ZNF391: variants seen among roughly 807,000 people sequenced by gnomAD.
The protein encoded by ZNF391 is zinc finger protein 391.
For synonymous variants in ZNF391, 126 were observed against 142.1 expected (o/e 0.89, Z 0.80); for missense variants, 375 against 425.5 (o/e 0.88, Z 1.04).
intron 1 of ZNF391, among the ~76,000 whole-genome samples, chr6:27,378,249 G>A (rs1039358434): frequency 1.3e-5 from 2 of 152,102 alleles, no homozygotes; most frequent in Non-Finnish European, 2.9e-5. Context: ...CCCCTTTTTA[G>A]TCAATTTCAC....
upstream of ZNF391, among the ~76,000 whole-genome samples, chr6:27,384,563 AT>A (rs1207107623): frequency 6.6e-6 from 1 of 152,046 alleles, no homozygotes; most frequent in East Asian, 1.9e-4. Context: ...ACTACAGCCA[AT>A]TTTTAATTGA....
intron 1 of ZNF391, among the ~76,000 whole-genome samples, chr6:27,396,104 A>G (rs1432386078): frequency 1.3e-5 from 2 of 152,204 alleles, no homozygotes; most frequent in African/African-American, 4.8e-5. Context: ...GTATTTCTCT[A>G]CCCTTCAGAC....
chr6:27,400,176 C>T, intron 2 of ZNF391, 117 bp from the exon 3 acceptor site: 7 of 487,486 alleles, frequency 1.4e-5, no homozygotes, highest in Middle Eastern at 5.5e-4. Flanking sequence ...TTGTTTACTC[C>T]TCATATAAAG....
At chr6:27,390,103 G>A (rs1468742356) in intron 1 of ZNF391, among the ~76,000 whole-genome samples, 1 of 152,202 alleles carries the variant, frequency 6.6e-6, no homozygotes, top group Non-Finnish European at 1.5e-5. Flanking sequence ...AAGGCTCCAG[G>A]AAGCAATCAA....
chr6:27,382,311 G>A (rs1761522863), intron 1 of ZNF391, among the ~76,000 whole-genome samples: 1 of 152,252 alleles, frequency 6.6e-6, no homozygotes, highest in East Asian at 1.9e-4. Flanking sequence ...CTGAGACAGC[G>A]CCATTGCACT....
At position 27,401,219 on chromosome 6, in the gene ZNF391, GAA is replaced by G. The variant is rs771854815; in HGVS notation, c.851_852del (p.Lys284SerfsTer24). The G allele has an allele frequency of 6.2e-7, 1 of 1,614,112 alleles. No individual in the cohort carries two copies. The highest frequency in any genetic ancestry group is 1.1e-5 in the South Asian group (1 of 91,078). On this transcript the variant is annotated frameshift_variant, in exon 3 of 3. Transcript: ENST00000244576. LOFTEE classifies it low-confidence loss of function (END_TRUNC). ...ENPYECSECG[K>X]VFSRSSSLTE... is the part of the protein sequence containing the mutation. ...ACCCCTATGAGTGCAGTGAATGTGG[GAA>G]AGTGTTCAGTCGAAGCTCGTCTCTT... is the stretch of plus-strand genomic sequence containing the variant.
upstream of ZNF391, among the ~76,000 whole-genome samples, chr6:27,385,534 C>T (rs1455048949): frequency 6.6e-6 from 1 of 152,018 alleles, no homozygotes; most frequent in East Asian, 1.9e-4. Flanking sequence ...GGAGAGCTAT[C>T]AGGGATAAAA....
intron 1 of ZNF391, among the ~76,000 whole-genome samples, chr6:27,378,548 C>A (rs547075363): frequency 3.9e-5 from 6 of 151,994 alleles, no homozygotes; most frequent in Non-Finnish European, 5.9e-5. Context: ...AGGCAAGGAC[C>A]GGCTATTTTC....
Position 27,376,038 on chromosome 6 carries a change from G to GATA in ZNF391, n.523+901_523+902insATA, listed in dbSNP as rs1761412918. ...AAGTCATTTATGGTGTAAGCCCTAT[G>GATA]GAGAAGATATTTCCTGCTATACCTG... is the stretch of plus-strand genomic sequence containing the variant. On this transcript the variant is annotated intron_variant and non_coding_transcript_variant, in intron 1 of 2. Transcript: ENST00000477999. This position sits in a 1 kb window ranked among gnomAD's most constrained non-coding sequence, Gnocchi z 4.7. 6.6e-6 allele frequency among the ~76,000 whole-genome samples: 1 copy of GATA among 152,162 alleles called. No individual in the cohort carries two copies. Among genetic ancestry groups the GATA allele is most frequent in the African/African-American group, 2.4e-5 (1 of 41,436 alleles).
upstream of ZNF391, among the ~76,000 whole-genome samples, chr6:27,385,496 A>C: frequency 6.6e-6 from 1 of 152,204 alleles, no homozygotes; most frequent in Non-Finnish European, 1.5e-5. Context: ...AGCTACATTA[A>C]TTTCAGACAG....
chr6:27,401,215 G>T lies in ZNF391; in HGVS notation c.845G>T (p.Cys282Phe). 1 of 1,613,796 alleles carries T rather than the reference G, an allele frequency of 6.2e-7. No individual in the cohort carries two copies. Among genetic ancestry groups the T allele is most frequent in the Non-Finnish European group, 8.5e-7 (1 of 1,180,012 alleles). ...TGENPYECSE[C>F]GKVFSRSSSL... ...GAGAACCCCTATGAGTGCAGTGAAT[G>T]TGGGAAAGTGTTCAGTCGAAGCTCG... The change falls in exon 3 of 3, where the codon TGT becomes TTT. Residue 282 changes from cysteine (C) to phenylalanine (F), a missense_variant. Cys to Phe is a radical substitution (Grantham distance 205). Transcript: ENST00000244576.
intron 1 of ZNF391, chr6:27,390,991 G>A (rs1451628664): frequency 6.6e-6 from 1 of 152,084 alleles, no homozygotes; most frequent in Non-Finnish European, 1.5e-5. Flanking sequence ...AAGAAGTAAG[G>A]GGACTAGTGC....
At chr6:27,392,710 C>T (rs1398874557) in intron 1 of ZNF391, among the ~76,000 whole-genome samples, 1 of 152,216 alleles carries the variant, frequency 6.6e-6, no homozygotes, top group Non-Finnish European at 1.5e-5. Context: ...AGTTTAGTTT[C>T]TTGGCCATTT....
chr6:27,393,086 T>C (rs1050197397), intron 1 of ZNF391, among the ~76,000 whole-genome samples: 14 of 152,234 alleles, frequency 9.2e-5, no homozygotes, highest in Non-Finnish European at 1.9e-4. Context: ...ATGTGTCACA[T>C]GCACAAACAC....
At chr6:27,398,079 T>G (rs1478103208) in intron 1 of ZNF391, among the ~76,000 whole-genome samples, 1 of 152,164 alleles carries the variant, frequency 6.6e-6, no homozygotes, top group African/African-American at 2.4e-5. Flanking sequence ...TTACTTGAGG[T>G]TCTCCATGCA....
In ZNF391 at chr6:27,374,818, C is replaced by T. The variant is rs1761387835; in HGVS notation, n.204C>T. 1 of 152,220 alleles carries T rather than the reference C, an allele frequency of 6.6e-6. No individual in the cohort carries two copies. The highest frequency in any genetic ancestry group is 2.4e-5 in the African/African-American group (1 of 41,432). The allele number at this position is 152,220 out of a possible 1,614,324, so 9.4% of individuals were successfully genotyped here. On this transcript the variant is annotated non_coding_transcript_exon_variant, in exon 1 of 3. Transcript: ENST00000477999. This position sits in a 1 kb window ranked among gnomAD's most constrained non-coding sequence, Gnocchi z 5.3. ...ACCCTCTAATTTCTCGCAAAACTCC[C>T]GGGGACCCTTCTTAATGTCAGTAGC... is the stretch of plus-strand genomic sequence containing the variant.
At chr6:27,398,688 C>T (rs1036864533) in intron 1 of ZNF391, among the ~76,000 whole-genome samples, 18 of 152,102 alleles carry the variant, frequency 1.2e-4, no homozygotes, top group Admixed American at 1.0e-3. Flanking sequence ...GAAACCCCGT[C>T]TCTACTAAAA....
intron 1 of ZNF391, among the ~76,000 whole-genome samples, chr6:27,382,768 G>C (rs1367997374): frequency 6.6e-6 from 1 of 152,150 alleles, no homozygotes; most frequent in African/African-American, 2.4e-5. Flanking sequence ...TGGTAGACTA[G>C]ACATGGCGGA....
In ZNF391 at chr6:27,402,568, A is replaced by C. The variant is rs1761997812; in HGVS notation, c.*1121A>C. On this transcript the variant is annotated 3_prime_UTR_variant, in exon 3 of 3. Transcript: ENST00000244576. ...TTATAAAACTTGAGGTAGTGCAACT[A>C]GATTATACACTTCTTGAAGACAGAA... is the stretch of plus-strand genomic sequence containing the variant. 6.6e-6 allele frequency: 1 copy of C among 152,172 alleles called. No individual in the cohort carries two copies. The highest frequency in any genetic ancestry group is 2.1e-4 in the South Asian group (1 of 4,832). 9.4% of individuals were successfully genotyped at this position (152,172 alleles called of 1,614,324 possible). A position where few individuals can be genotyped will look rare whatever the true frequency, so the allele number is the denominator to read the frequency against.
Sources: gnomAD v4.1 joint callset for allele counts (sites outside exome capture counted in the v4.1 genomes callset) on GRCh38, gnomAD v4.1.1 for gene constraint, Gnocchi (gnomAD v3.1) non-coding constraint, MANE v1.5 for transcripts, NCBI Gene and HGNC (gene_info 2026-07-23, HGNC 2026-07-21) for gene names.